Variants in KMT2C observed in about 807,000 individuals in gnomAD.
KMT2C encodes the protein histone-lysine N-methyltransferase 2C.
KMT2C carries 88 observed loss-of-function variants against 507.9 expected under a neutral mutation model. The ratio of observed to expected loss-of-function variants is 0.17; its 90% confidence interval spans 0.15 to 0.21. The LOEUF (loss-of-function observed/expected upper bound fraction) is 0.21. Ranked by LOEUF, KMT2C falls within the 10% of genes least tolerant of loss-of-function variation. KMT2C has a pLI of 1.00. For missense variants in KMT2C, 4,954 were observed against 5,957.8 expected (o/e 0.83, Z 5.55); for synonymous variants, 2,049 against 2,080.8 (o/e 0.98, Z 0.42).
At chr7:152,310,158 A>C in intron 5 of KMT2C, 83 bp from the exon 6 acceptor site, 1 of 842,734 alleles carries the variant, frequency 1.2e-6, no homozygotes, top group Non-Finnish European at 1.9e-6. Context: ...AAACTTCAAA[A>C]TCAACTCTAA....
chr7:152,182,779 G>C (rs551930482), intron 35 of KMT2C, among the ~76,000 whole-genome samples, 185 bp from the exon 36 acceptor site: 1 of 152,010 alleles, frequency 6.6e-6, no homozygotes, highest in East Asian at 1.9e-4. Flanking sequence ...TTGTGCCTAG[G>C]GCAGTATATT....
chr7:152,430,398 A>T (rs1419237073), intron 1 of KMT2C, among the ~76,000 whole-genome samples: 2 of 152,190 alleles, frequency 1.3e-5, no homozygotes, highest in Non-Finnish European at 2.9e-5. Context: ...ACACAAACTC[A>T]CACGCTGACT....
intron 1 of KMT2C, among the ~76,000 whole-genome samples, chr7:152,406,775 G>T (rs1343908748): frequency 4.5e-4 from 65 of 145,840 alleles, no homozygotes; most frequent in African/African-American, 1.7e-3. Context: ...GCCTTCCAAA[G>T]TGCTGGGATT....
At chr7:152,369,706 T>G (rs2097277935) in intron 1 of KMT2C, among the ~76,000 whole-genome samples, 2 of 152,160 alleles carry the variant, frequency 1.3e-5, no homozygotes, top group South Asian at 4.1e-4. Context: ...AAACATGTGC[T>G]TCCCCTTGCA....
chr7:152,157,327 CAAA>C (rs5888464), intron 44 of KMT2C, among the ~76,000 whole-genome samples: 1 of 58,950 alleles, frequency 1.7e-5, no homozygotes, highest in East Asian at 5.0e-4. Context: ...GACCCTGTCT[CAAA>C]AAAAAAAAAA....
chr7:152,423,373 T>C (rs1480522510), intron 1 of KMT2C, among the ~76,000 whole-genome samples: 1 of 152,196 alleles, frequency 6.6e-6, no homozygotes, highest in Non-Finnish European at 1.5e-5. Context: ...CAGCCTCCCT[T>C]GCAGCTACAG....
Position 152,154,421 on chromosome 7 carries a change from T to C in KMT2C, c.11985A>G (p.Arg3995=), listed in dbSNP as rs2129098837. Residue 3995 remains arginine, a synonymous_variant, in exon 47 of 59, where the codon CGA becomes CGG. Transcript: ENST00000262189. ...AGGGAACAAAACTGTCAGGAGTATC[T>C]CGATCACCACAGTGATCCTGTATCC... ...ELRIQDHCGD[R]DTPDSFVPSS... The C allele has an allele frequency of 6.2e-7, 1 of 1,613,734 alleles. No individual in the cohort carries two copies.
chr7:152,184,342 CTA>C (rs1246959544), intron 34 of KMT2C, among the ~76,000 whole-genome samples: 3 of 151,828 alleles, frequency 2.0e-5, no homozygotes, highest in African/African-American at 7.3e-5. Context: ...TGGAAAATAA[CTA>C]TATATATTTT....
chr7:152,300,918 C>T (rs1249031669), intron 6 of KMT2C, among the ~76,000 whole-genome samples: 4 of 152,022 alleles, frequency 2.6e-5, no homozygotes, highest in Non-Finnish European at 4.4e-5. Flanking sequence ...AGTAGCTGGG[C>T]ATGCTGGCAC....
chr7:152,311,677 T>A (rs952024984), intron 5 of KMT2C, 121 bp downstream of exon 5: 9 of 724,302 alleles, frequency 1.2e-5, no homozygotes, highest in Non-Finnish European at 1.9e-5. Context: ...ATGATTTTTT[T>A]ATAGTATGAT....
In KMT2C at chr7:152,246,288, A is replaced by G. The variant is rs535969873; in HGVS notation, c.2532+1614T>C. Among the ~76,000 whole-genome samples the G allele has an allele frequency of 2.0e-5, 3 of 152,272 alleles. No individual in the cohort carries two copies. In the East Asian group the frequency reaches 5.8e-4, roughly 29 times the overall value. ...TGGAGGGAGGGAAAACACAGCCTAC[A>G]AAATACTTACAAGAGTAGCAGCAAA... On this transcript the variant is annotated intron_variant, in intron 14 of 58. Transcript: ENST00000262189.
chr7:152,384,646 C>A (rs2097407221), intron 1 of KMT2C, among the ~76,000 whole-genome samples: 2 of 146,332 alleles, frequency 1.4e-5, no homozygotes, highest in African/African-American at 5.0e-5. Flanking sequence ...CCGATGACTC[C>A]TTTAGAGATC....
In KMT2C at chr7:152,326,581, T is replaced by A. The variant is rs184171674; in HGVS notation, c.389+4020A>T. ...TAGAACATTTTATATACTGCACCAT[T>A]AAAATTCATTAAATTCAGGCCGGGG... On this transcript the variant is annotated intron_variant, in intron 3 of 58. Coordinates refer to ENST00000262189, the MANE Select transcript of KMT2C (RefSeq NM_170606.3). Among the ~76,000 whole-genome samples the A allele has an allele frequency of 7.4e-3, 1,129 of 152,256 alleles. 8 individuals are homozygous for A. The highest frequency in any genetic ancestry group is 0.012 in the Non-Finnish European group (812 of 68,008).
At chr7:152,344,772 G>C (rs566070805) in intron 2 of KMT2C, among the ~76,000 whole-genome samples, 6 of 152,098 alleles carry the variant, frequency 3.9e-5, no homozygotes, top group Admixed American at 2.0e-4. Context: ...CAGATCACAA[G>C]GTCAGGAGAT....
intron 52 of KMT2C, among the ~76,000 whole-genome samples, chr7:152,147,087 T>C (rs1289394045): frequency 6.6e-6 from 1 of 152,224 alleles, no homozygotes. Flanking sequence ...GCTATGTTCC[T>C]TTCCCCTCAG....
rs200880832 is a variant in KMT2C at position 152,311,815 on chromosome 7, G to C, written c.722C>G (p.Ala241Gly). 122 of 1,610,134 alleles carry C rather than the reference G, an allele frequency of 7.6e-5. 1 individual carries two copies. The highest frequency in any genetic ancestry group is 1.0e-4 in the Non-Finnish European group (120 of 1,177,240). The change falls in exon 5 of 59, where the codon GCC (alanine) becomes GGC (glycine). Residue 241 changes from alanine (A) to glycine (G), a missense_variant. Physicochemically the swap from Ala to Gly is moderately conservative, Grantham distance 60. Coordinates refer to ENST00000262189, the MANE Select transcript of KMT2C (RefSeq NM_170606.3). ...GCCCATACCTGTAGAATCAAATAAG[G>C]CTTGGATATCAATGGCATCTGGAAG... ...VGLPDAIDIQ[A>G]LFDSTGTCWA...
chr7:152,138,490 G>A lies in KMT2C; in HGVS notation c.14643+306C>T, dbSNP rs556489896. On this transcript the variant is annotated intron_variant, in intron 58 of 58. Transcript: ENST00000262189. This position sits in a 1 kb window ranked among gnomAD's most constrained non-coding sequence, Gnocchi z 4.2. ...CTGCCAAACTGTGTCCAGGTTAAGG[G>A]GATAAAGAAGGATCCTATGGCACAC... The A allele has an allele frequency of 7.9e-4, 195 of 246,200 alleles. No individual in the cohort carries two copies. Among genetic ancestry groups the A allele is most frequent in the Non-Finnish European group, 1.3e-3 (166 of 126,698 alleles). 15.3% of individuals were successfully genotyped at this position (246,200 alleles called of 1,614,324 possible). A position where few individuals can be genotyped will look rare whatever the true frequency, so the allele number is the denominator to read the frequency against.
rs1269749850 is a variant in KMT2C, at chr7:152,434,911, G to A, written c.161+715C>T. On this transcript the variant is annotated intron_variant, in intron 1 of 58. Coordinates refer to ENST00000262189, the MANE Select transcript of KMT2C (RefSeq NM_170606.3). ...TGCTCTTGGTATTCTGCCTTACGAG[G>A]GGACGCTGGCTACGTCTCCAAAACT... 4.6e-5 allele frequency among the ~76,000 whole-genome samples: 7 copies of A among 152,236 alleles called. No individual in the cohort carries two copies. In the South Asian group the frequency reaches 1.5e-3, roughly 32 times the overall value.
rs2093210221 is a variant in KMT2C at position 152,176,347 on chromosome 7, T to C, written c.9106A>G (p.Thr3036Ala). ...SGPQQLMIPQ[T>A]LAQQNRERPL... is the part of the protein sequence containing the mutation. ...CTCTCTCTATTCTGCTGTGCTAATG[T>C]TTGAGGAATCATTAGCTGTTGGGGT... The change falls in exon 38 of 59, where the codon ACA (threonine) becomes GCA (alanine). Residue 3036 changes from threonine to alanine, a missense_variant. This residue lies in a region of KMT2C where 1,689 missense variants were observed against 1,654.3 expected (regional missense o/e 1.02). Transcript: ENST00000262189. 6.2e-7 allele frequency: 1 copy of C among 1,614,048 alleles called. No homozygotes were observed. The highest frequency in any genetic ancestry group is 8.5e-7 in the Non-Finnish European group (1 of 1,179,984).
Sources: allele counts gnomAD v4.1 joint callset (sites outside exome capture counted in the v4.1 genomes callset), GRCh38; gene constraint gnomAD v4.1.1; regional missense constraint gnomAD v4.1.1; non-coding constraint Gnocchi (gnomAD v3.1); transcripts MANE v1.5; gene names NCBI Gene and HGNC (gene_info 2026-07-23, HGNC 2026-07-21).